KCNIP4: variants seen among roughly 807,000 people sequenced by gnomAD.
KCNIP4 encodes the protein Kv channel-interacting protein 4.
Under a neutral mutation model 34.0 loss-of-function variants are expected in KCNIP4, and 12 were observed. That is an observed-to-expected ratio of 0.35 (90% CI 0.23 to 0.57). The LOEUF (loss-of-function observed/expected upper bound fraction) is 0.57. Ranked by LOEUF, KCNIP4 falls within the 20% of genes least tolerant of loss-of-function variation. The probability of loss-of-function intolerance (pLI) is 0.83; values close to 1 mark genes in which losing one functional copy is unlikely to be tolerated. For synonymous variants in KCNIP4, 124 were observed against 102.2 expected (o/e 1.21, Z -1.29); for missense variants, 238 against 311.7 (o/e 0.76, Z 1.78).
chr4:21,703,970 A>G (rs1713069535), intron 1 of KCNIP4, among the ~76,000 whole-genome samples: 1 of 152,194 alleles, frequency 6.6e-6, no homozygotes, highest in Non-Finnish European at 1.5e-5. Context: ...GGTTAGAACA[A>G]CAGATGAGCA....
At chr4:21,149,808 C>T (rs1431713982) in intron 1 of KCNIP4, among the ~76,000 whole-genome samples, 1 of 151,424 alleles carries the variant, frequency 6.6e-6, no homozygotes, top group African/African-American at 2.4e-5. Context: ...GGTTTGGGGA[C>T]ACTGGAAAAA....
At chr4:21,498,927 A>T (rs1326674107) in intron 1 of KCNIP4, among the ~76,000 whole-genome samples, 1 of 152,224 alleles carries the variant, frequency 6.6e-6, no homozygotes, top group South Asian at 2.1e-4. Flanking sequence ...AAGCAAACAG[A>T]TACTACAATT....
chr4:20,975,391 A>C (rs1735379787), intron 1 of KCNIP4, among the ~76,000 whole-genome samples: 1 of 152,204 alleles, frequency 6.6e-6, no homozygotes, highest in South Asian at 2.1e-4. Context: ...TATATTATCA[A>C]CTTCTCTAAG....
chr4:21,678,926 A>G lies in KCNIP4; in HGVS notation c.61+269645T>C, dbSNP rs560115553. Among the ~76,000 whole-genome samples, 550 of 152,234 alleles carry G rather than the reference A, an allele frequency of 3.6e-3. 6 individuals are homozygous for G. Among genetic ancestry groups the G allele is most frequent in the African/African-American group, 0.013 (526 of 41,544 alleles). On this transcript the variant is annotated intron_variant, in intron 1 of 8. Coordinates refer to ENST00000382152, the MANE Select transcript of KCNIP4 (RefSeq NM_025221.6). ...ATTCAGTTAAAATGAGGCCTCTAGG[A>G]TGGGCCCTAATCCAATCTGACCAAT...
At chr4:20,792,298 C>T (rs560080685) in intron 3 of KCNIP4, among the ~76,000 whole-genome samples, 80 of 151,902 alleles carry the variant, frequency 5.3e-4, no homozygotes, top group African/African-American at 1.8e-3. Flanking sequence ...TGCTTGAACC[C>T]GGGGGCAGAG....
At chr4:21,860,474 T>C (rs116214047) in intron 1 of KCNIP4, among the ~76,000 whole-genome samples, 2 of 152,096 alleles carry the variant, frequency 1.3e-5, no homozygotes, top group Non-Finnish European at 2.9e-5. Flanking sequence ...ATGTTTCATA[T>C]TTGAGATGAC....
At chr4:21,322,810 G>C (rs1560289349) in intron 1 of KCNIP4, among the ~76,000 whole-genome samples, 1 of 151,978 alleles carries the variant, frequency 6.6e-6, no homozygotes, top group Non-Finnish European at 1.5e-5. Flanking sequence ...TGGTGTCAAA[G>C]AAGTTAAGTA....
intron 3 of KCNIP4, among the ~76,000 whole-genome samples, chr4:20,821,363 T>C (rs1158182247): frequency 2.6e-5 from 4 of 152,350 alleles, no homozygotes; most frequent in African/African-American, 9.6e-5. Context: ...TTTGTAAGCA[T>C]TTAACTTGCT....
chr4:21,916,450 G>T (rs1011104178), intron 1 of KCNIP4, among the ~76,000 whole-genome samples: 1 of 152,102 alleles, frequency 6.6e-6, no homozygotes, highest in African/African-American at 2.4e-5. Flanking sequence ...TCAGAAGCCT[G>T]TACCTACAAA....
intron 1 of KCNIP4, among the ~76,000 whole-genome samples, chr4:21,806,246 T>C (rs1459279): frequency 6.6e-6 from 1 of 152,174 alleles, no homozygotes; most frequent in East Asian, 1.9e-4. Flanking sequence ...CATTGTGTCA[T>C]GTAGCATCAC....
intron 3 of KCNIP4, among the ~76,000 whole-genome samples, chr4:20,844,376 T>C (rs1215219067): frequency 6.6e-6 from 1 of 152,186 alleles, no homozygotes; most frequent in African/African-American, 2.4e-5. Flanking sequence ...CACTTTGCTC[T>C]TAAGGAAGGC....
intron 1 of KCNIP4, among the ~76,000 whole-genome samples, chr4:21,706,424 G>T (rs771966919): frequency 6.6e-6 from 1 of 152,132 alleles, no homozygotes; most frequent in Non-Finnish European, 1.5e-5. Context: ...GATTCCACAA[G>T]CAACTACTGG....
intron 1 of KCNIP4, among the ~76,000 whole-genome samples, chr4:21,596,175 T>C (rs931555982): frequency 2.0e-5 from 3 of 152,112 alleles, no homozygotes; most frequent in African/African-American, 7.2e-5. Flanking sequence ...ATAGGCTACT[T>C]TTGTCTTAAG....
intron 1 of KCNIP4, among the ~76,000 whole-genome samples, chr4:21,816,879 GC>G (rs1722021446): frequency 6.6e-6 from 1 of 152,162 alleles, no homozygotes; most frequent in Admixed American, 6.6e-5. Context: ...TGAGCAATGT[GC>G]TTGACCTCAC....
chr4:21,019,329 T>C (rs1243591950), intron 1 of KCNIP4, among the ~76,000 whole-genome samples: 1 of 152,110 alleles, frequency 6.6e-6, no homozygotes, highest in Non-Finnish European at 1.5e-5. Flanking sequence ...CTAATTTTTT[T>C]GTATTTTTAG....
intron 1 of KCNIP4, among the ~76,000 whole-genome samples, chr4:21,582,916 G>A (rs1306838798): frequency 6.6e-6 from 1 of 151,844 alleles, no homozygotes; most frequent in African/African-American, 2.4e-5. Context: ...ACTAGTGTGT[G>A]CACCCATCCT....
At chr4:21,793,460 G>A (rs945329690) in intron 1 of KCNIP4, among the ~76,000 whole-genome samples, 2 of 152,082 alleles carry the variant, frequency 1.3e-5, no homozygotes, top group Non-Finnish European at 2.9e-5. Flanking sequence ...ATTTCACCAT[G>A]TTGGCCAGGC....
chr4:21,530,957 G>A (rs1391821474), intron 1 of KCNIP4, among the ~76,000 whole-genome samples: 1 of 152,138 alleles, frequency 6.6e-6, no homozygotes, highest in African/African-American at 2.4e-5. Context: ...AAAGGCCACA[G>A]GGTTGGTTTT....
intron 3 of KCNIP4, among the ~76,000 whole-genome samples, chr4:20,764,849 G>A (rs554539594): frequency 6.6e-6 from 1 of 152,262 alleles, no homozygotes; most frequent in Admixed American, 6.5e-5. Flanking sequence ...AGACAGGGTC[G>A]CTGTGATGGC....
Sources: gnomAD v4.1 joint callset for allele counts (sites outside exome capture counted in the v4.1 genomes callset) on GRCh38, gnomAD v4.1.1 for gene constraint, MANE v1.5 for transcripts, NCBI Gene and HGNC (gene_info 2026-07-23, HGNC 2026-07-21) for gene names.